NEK7: variants seen among roughly 807,000 people sequenced by gnomAD.
NEK7 encodes the protein serine/threonine-protein kinase Nek7.
In NEK7, 18 loss-of-function variants were observed where a neutral mutation model predicts 44.6. The ratio of observed to expected loss-of-function variants is 0.40; its 90% CI spans 0.28 to 0.60. The LOEUF is 0.60. Among genes scored for constraint, NEK7 ranks in the 20% least tolerant of loss-of-function variants. The pLI, the probability that NEK7 is intolerant of heterozygous loss-of-function variation, is 0.38. For missense variants in NEK7, 256 were observed against 366.5 expected (o/e 0.70, Z 2.46); for synonymous variants, 130 against 121.1 (o/e 1.07, Z -0.48).
intron 2 of NEK7, among the ~76,000 whole-genome samples, chr1:198,250,701 G>A (rs369972190): frequency 0.042 from 6,062 of 143,618 alleles, 183 homozygotes; most frequent in Middle Eastern, 0.059. Flanking sequence ...TGGTGTATAA[G>A]AATGCTTGTG....
At chr1:198,243,417 G>A (rs750288347) in intron 2 of NEK7, among the ~76,000 whole-genome samples, 2 of 152,108 alleles carry the variant, frequency 1.3e-5, no homozygotes, top group Non-Finnish European at 2.9e-5. Context: ...CTGTCTTTCA[G>A]TAAAAGGCTT....
intron 3 of NEK7, among the ~76,000 whole-genome samples, chr1:198,261,414 A>G (rs1323048782): frequency 6.6e-6 from 1 of 151,952 alleles, no homozygotes; most frequent in South Asian, 2.1e-4. Context: ...TACCTGTCTT[A>G]TAAGATTGCA....
At chr1:198,204,131 G>A (rs1003677318) in intron 1 of NEK7, among the ~76,000 whole-genome samples, 9 of 152,110 alleles carry the variant, frequency 5.9e-5, no homozygotes, top group South Asian at 2.1e-4. Flanking sequence ...ATGTTGGCAC[G>A]TGCCTGTGAG....
intron 2 of NEK7, among the ~76,000 whole-genome samples, chr1:198,249,221 C>A (rs533534698): frequency 5.3e-5 from 8 of 152,100 alleles, no homozygotes; most frequent in African/African-American, 1.9e-4. Flanking sequence ...GACATGAACT[C>A]ATCATTTTTT....
chr1:198,300,377 G>C (rs1422281293), intron 9 of NEK7, among the ~76,000 whole-genome samples: 1 of 152,172 alleles, frequency 6.6e-6, no homozygotes, highest in Admixed American at 6.5e-5. Context: ...TCTTATCAAT[G>C]CAAGTTCTAC....
At chr1:198,161,722 C>T (rs983037816) in intron 1 of NEK7, among the ~76,000 whole-genome samples, 2 of 152,078 alleles carry the variant, frequency 1.3e-5, no homozygotes, top group East Asian at 1.9e-4. Context: ...TCTGGAGGAT[C>T]CCACTCCTAT....
At chr1:198,250,430 G>A (rs1652902474) in intron 2 of NEK7, among the ~76,000 whole-genome samples, 1 of 152,112 alleles carries the variant, frequency 6.6e-6, no homozygotes, top group Non-Finnish European at 1.5e-5. Context: ...GTCATTGGTA[G>A]CTTGATGGGA....
At chr1:198,286,818 C>T (rs1654383826) in intron 7 of NEK7, among the ~76,000 whole-genome samples, 1 of 152,122 alleles carries the variant, frequency 6.6e-6, no homozygotes, top group Admixed American at 6.5e-5. Context: ...AGCTGAGGGC[C>T]ATTCCCAGCT....
At chr1:198,309,918 CT>C (rs1260575098) in intron 9 of NEK7, among the ~76,000 whole-genome samples, 7 of 152,150 alleles carry the variant, frequency 4.6e-5, no homozygotes, top group Admixed American at 2.6e-4. Flanking sequence ...GTGCATGTGT[CT>C]TTCTAGCAGC....
intron 1 of NEK7, among the ~76,000 whole-genome samples, chr1:198,173,004 A>AT (rs2102724257): frequency 6.6e-6 from 1 of 152,332 alleles, no homozygotes; most frequent in East Asian, 1.9e-4. Context: ...TTGGTTATAT[A>AT]TCTCATGCTC....
In NEK7 at chr1:198,319,494, G is replaced by T; in HGVS notation, c.881G>T (p.Arg294Met). ...ACCTATGTTTATGACGTAGCAAAGAGGATGCATGCATGCACTGCAAGCAGC... is the reference window on the plus strand; with the variant it reads ...ACCTATGTTTATGACGTAGCAAAGATGATGCATGCATGCACTGCAAGCAGC... ...DVTYVYDVAK[R>M]MHACTASS The change falls in exon 10 of 10, where the codon AGG becomes ATG. Residue 294 changes from arginine to methionine, a missense_variant. This residue lies in a region of NEK7 where 58 missense variants were observed against 66.5 expected (regional missense o/e 0.87). Coordinates refer to ENST00000367385, the MANE Select transcript of NEK7 (RefSeq NM_133494.3). 1 of 1,612,618 alleles carries T rather than the reference G, an allele frequency of 6.2e-7. No individual in the cohort carries two copies.
chr1:198,302,851 T>A (rs1207675855), intron 9 of NEK7, among the ~76,000 whole-genome samples: 3 of 151,824 alleles, frequency 2.0e-5, no homozygotes, highest in African/African-American at 7.3e-5. Flanking sequence ...GACATCACAG[T>A]GGTACCTGTG....
chr1:198,197,260 TAAAG>T (rs1169724888), intron 1 of NEK7, among the ~76,000 whole-genome samples: 1 of 152,216 alleles, frequency 6.6e-6, no homozygotes, highest in Non-Finnish European at 1.5e-5. Context: ...ACATTTCTAA[TAAAG>T]AATAGTTTTT....
chr1:198,267,560 C>T (rs1414521717), intron 5 of NEK7, among the ~76,000 whole-genome samples: 2 of 152,120 alleles, frequency 1.3e-5, no homozygotes, highest in Non-Finnish European at 2.9e-5. Context: ...TCTCCTGTCT[C>T]TGCCTCCCTA....
chr1:198,163,498 G>A (rs980767526), intron 1 of NEK7, among the ~76,000 whole-genome samples: 2 of 151,840 alleles, frequency 1.3e-5, no homozygotes, highest in Admixed American at 6.6e-5. Flanking sequence ...TGGTGACAGA[G>A]TGAGACCCTG....
intron 1 of NEK7, among the ~76,000 whole-genome samples, chr1:198,160,184 T>C (rs1664061403): frequency 6.6e-6 from 1 of 152,208 alleles, no homozygotes; most frequent in African/African-American, 2.4e-5. Flanking sequence ...ATTACAAATG[T>C]CGCCACCATT....
chr1:198,233,086 G>A lies in NEK7; in HGVS notation c.57+449G>A, dbSNP rs966668484. Among the ~76,000 whole-genome samples, 19 of 144,574 alleles carry A rather than the reference G, an allele frequency of 1.3e-4. No homozygotes were observed. In the South Asian group the frequency reaches 4.5e-3, roughly 34 times the overall value. The allele number at this position is 144,574 out of a possible 152,430, so 94.8% of individuals were successfully genotyped here. A position where few individuals can be genotyped will look rare whatever the true frequency, so the allele number is the denominator to read the frequency against. On this transcript the variant is annotated intron_variant, in intron 2 of 9. Coordinates refer to ENST00000367385, the MANE Select transcript of NEK7 (RefSeq NM_133494.3). ...AGCGTTAGTATTAGGTTTAGGGAAG[G>A]AAGAGGAAAAAAAAAAAAAGGTGAG...
intron 9 of NEK7, among the ~76,000 whole-genome samples, chr1:198,317,998 AAATGCTGTTCT>A (rs1479338794): frequency 1.4e-5 from 2 of 141,892 alleles, no homozygotes; most frequent in Non-Finnish European, 3.0e-5. Context: ...TAAGGGTTTT[AAATGCTGTTCT>A]CTGCTCTTTT....
At chr1:198,231,297 GTGTGTATATATATATATATATATATATAT>G in intron 1 of NEK7, among the ~76,000 whole-genome samples, 1 of 90,188 alleles carries the variant, frequency 1.1e-5, no homozygotes, top group South Asian at 3.5e-4. Flanking sequence ...GTGTATGTGT[GTGTGTATATATATATATATATATATATAT>G]ATATATATAT....
Sources: allele counts gnomAD v4.1 joint callset (sites outside exome capture counted in the v4.1 genomes callset), GRCh38; gene constraint gnomAD v4.1.1; regional missense constraint gnomAD v4.1.1; transcripts MANE v1.5; gene names NCBI Gene and HGNC (gene_info 2026-07-23, HGNC 2026-07-21).